The following GABRG3 variants were observed in gnomAD, a reference collection of about 807,000 sequenced individuals.
GABRG3 encodes gamma-aminobutyric acid type A receptor subunit gamma3.
GABRG3 carries 25 observed loss-of-function variants against 48.8 expected under a neutral mutation model. That is an observed-to-expected ratio of 0.51 (90% CI 0.37 to 0.72). The LOEUF is 0.72. Ranked by LOEUF, GABRG3 falls within the 30% of genes least tolerant of loss-of-function variation. The probability of loss-of-function intolerance (pLI) is 0.00; values close to 1 mark genes in which losing one functional copy is unlikely to be tolerated. For missense variants in GABRG3, 394 were observed against 577.9 expected, an observed-to-expected ratio of 0.68 and a Z score of 3.26; for synonymous variants, 227 against 217.6, an observed-to-expected ratio of 1.04 and a Z score of -0.38.
chr15:27,236,825 C>T lies in GABRG3; in HGVS notation c.271-89984C>T, dbSNP rs988869881. Among the ~76,000 whole-genome samples, 4 of 152,116 alleles carry T rather than the reference C, an allele frequency of 2.6e-5. No individual in the cohort carries two copies. The highest frequency in any genetic ancestry group is 2.6e-4 in the Admixed American group (4 of 15,286). ...TGAAGAGGCATGAAGCGCAATTGCACGTGTGTTTGTTTTATCAATATTCGT... is the reference window on the plus strand; with the variant it reads ...TGAAGAGGCATGAAGCGCAATTGCATGTGTGTTTGTTTTATCAATATTCGT... On this transcript the variant is annotated intron_variant, in intron 3 of 9. Transcript: ENST00000615808. The surrounding 1 kb of genome is among the most constrained non-coding windows in gnomAD (Gnocchi z 4.4).
At chr15:27,511,885 C>A (rs115866024) in intron 6 of GABRG3, among the ~76,000 whole-genome samples, 1 of 152,116 alleles carries the variant, frequency 6.6e-6, no homozygotes, top group Non-Finnish European at 1.5e-5. Context: ...ACAACTGAGT[C>A]AGTGAGGAAG....
chr15:27,285,065 A>T (rs1891561532), intron 3 of GABRG3, among the ~76,000 whole-genome samples: 1 of 152,102 alleles, frequency 6.6e-6, no homozygotes, highest in African/African-American at 2.4e-5. Context: ...GGAGCCTAAG[A>T]ACTATGGGTC....
At chr15:27,286,099 A>G (rs1891602431) in intron 3 of GABRG3, among the ~76,000 whole-genome samples, 1 of 152,248 alleles carries the variant, frequency 6.6e-6, no homozygotes, top group African/African-American at 2.4e-5. Flanking sequence ...ACACCAGGCA[A>G]AAGTGCAAAT....
At chr15:26,979,809 A>G (rs984599111) in intron 2 of GABRG3, among the ~76,000 whole-genome samples, 7 of 152,120 alleles carry the variant, frequency 4.6e-5, no homozygotes, top group South Asian at 2.1e-4. Flanking sequence ...TTGCATGTCT[A>G]TGTTTAAGGG....
chr15:27,235,957 A>T lies in GABRG3; in HGVS notation c.271-90852A>T, dbSNP rs146555711. On this transcript the variant is annotated intron_variant, in intron 3 of 9. Transcript: ENST00000615808. ...CTGCTGCAGAGACGGACACACCCTT[A>T]CTAATGGTTTTTCTTGATAGAAGTA... 1.3e-3 allele frequency among the ~76,000 whole-genome samples: 204 copies of T among 152,282 alleles called. 1 individual carries two copies. The East Asian group carries it at 0.033, about 24-fold the overall frequency.
At chr15:27,083,794 A>G (rs2140747048) in intron 3 of GABRG3, among the ~76,000 whole-genome samples, 1 of 152,348 alleles carries the variant, frequency 6.6e-6, no homozygotes, top group African/African-American at 2.4e-5. Context: ...TTCACCATGT[A>G]TGTGGGGCAT....
intron 3 of GABRG3, among the ~76,000 whole-genome samples, chr15:27,181,562 G>T (rs1343356014): frequency 6.6e-6 from 1 of 152,142 alleles, no homozygotes; most frequent in African/African-American, 2.4e-5. Flanking sequence ...CCCTCTATTT[G>T]TTCTATGCTA....
At chr15:27,258,509 G>C (rs531624992) in intron 3 of GABRG3, among the ~76,000 whole-genome samples, 73 of 152,148 alleles carry the variant, frequency 4.8e-4, no homozygotes, top group Non-Finnish European at 9.4e-4. Context: ...CACCCTCCTG[G>C]CCTTCTCGGG....
At chr15:27,227,884 C>T (rs1027613077) in intron 3 of GABRG3, among the ~76,000 whole-genome samples, 10 of 152,194 alleles carry the variant, frequency 6.6e-5, no homozygotes, top group African/African-American at 2.2e-4. Flanking sequence ...TGATACATCA[C>T]ATGAAACTGC....
chr15:27,176,214 T>G (rs1566955214), intron 3 of GABRG3, among the ~76,000 whole-genome samples: 1 of 152,196 alleles, frequency 6.6e-6, no homozygotes, highest in Non-Finnish European at 1.5e-5. Flanking sequence ...CATGCTAACT[T>G]AAACCACTCA....
At chr15:27,205,808 G>C (rs1436091766) in intron 3 of GABRG3, among the ~76,000 whole-genome samples, 3 of 151,572 alleles carry the variant, frequency 2.0e-5, no homozygotes, top group African/African-American at 2.4e-5. Flanking sequence ...GAGGTTTTAT[G>C]TTTCCAGGAA....
intron 3 of GABRG3, among the ~76,000 whole-genome samples, chr15:27,281,015 T>C (rs1156593542): frequency 2.6e-5 from 4 of 152,170 alleles, no homozygotes; most frequent in Non-Finnish European, 5.9e-5. Context: ...TGTTTATGTA[T>C]ATACCTTAAG....
chr15:27,082,738 C>T (rs2140745985), intron 3 of GABRG3, among the ~76,000 whole-genome samples: 1 of 152,320 alleles, frequency 6.6e-6, no homozygotes, highest in East Asian at 1.9e-4. Flanking sequence ...CTGCCAGGAA[C>T]CACAGATGCC....
intron 3 of GABRG3, among the ~76,000 whole-genome samples, chr15:27,264,888 A>G (rs1426592194): frequency 6.6e-6 from 1 of 152,106 alleles, no homozygotes; most frequent in African/African-American, 2.4e-5. Flanking sequence ...CCAAACCATT[A>G]TTCTTAATAC....
chr15:27,248,803 C>CACACACAGAGAGAG (rs1377080195), intron 3 of GABRG3, among the ~76,000 whole-genome samples: 43 of 110,236 alleles, frequency 3.9e-4, no homozygotes, highest in African/African-American at 1.5e-3. Context: ...CACACACACA[C>CACACACAGAGAGAG]AGAGAGAGAG....
chr15:27,097,990 A>G (rs1897293978), intron 3 of GABRG3, among the ~76,000 whole-genome samples: 2 of 149,898 alleles, frequency 1.3e-5, no homozygotes. Flanking sequence ...AATTAAAAGA[A>G]AAAAAAAAAG....
At chr15:27,212,278 C>T (rs575666992) in intron 3 of GABRG3, among the ~76,000 whole-genome samples, 5 of 152,312 alleles carry the variant, frequency 3.3e-5, no homozygotes, top group East Asian at 1.9e-4. Context: ...AATCTGGCAT[C>T]GCTCCGGGTG....
Position 27,373,566 on chromosome 15 carries a change from A to G in GABRG3, c.574+44678A>G, listed in dbSNP as rs549242968. On this transcript the variant is annotated intron_variant, in intron 5 of 9. Coordinates refer to ENST00000615808, the MANE Select transcript of GABRG3 (RefSeq NM_033223.5). ...GGATGTTGAATTAATAGTTTTAACA[A>G]TGTCTATTAAAAGGGCTTTTCCAAT... is the stretch of plus-strand genomic sequence containing the variant. Among the ~76,000 whole-genome samples the G allele has an allele frequency of 1.6e-4, 25 of 152,338 alleles. 1 individual carries two copies. The highest frequency in any genetic ancestry group is 1.4e-3 in the South Asian group (7 of 4,828).
intron 3 of GABRG3, among the ~76,000 whole-genome samples, chr15:27,041,014 A>T (rs992370603): frequency 4.7e-5 from 7 of 149,694 alleles, no homozygotes; most frequent in African/African-American, 1.7e-4. Flanking sequence ...TCCAACATTC[A>T]AACAGCATTT....
Sources: allele counts gnomAD v4.1 joint callset (sites outside exome capture counted in the v4.1 genomes callset), GRCh38; gene constraint gnomAD v4.1.1; non-coding constraint Gnocchi (gnomAD v3.1); transcripts MANE v1.5; gene names NCBI Gene and HGNC (gene_info 2026-07-23, HGNC 2026-07-21).